The following EPHA6 variants were observed in gnomAD, a reference collection of about 807,000 sequenced individuals.
The protein encoded by EPHA6 is EPH receptor A6, also known as ephrin type-A receptor 6.
Under a neutral mutation model 112.0 loss-of-function variants are expected in EPHA6, and 50 were observed. The ratio of observed to expected loss-of-function variants is 0.45; its 90% CI spans 0.36 to 0.56. The LOEUF (loss-of-function observed/expected upper bound fraction) is 0.56. EPHA6 is among the 20% of genes least tolerant of loss of function. EPHA6 has a pLI of 0.00. For missense variants in EPHA6, 1,280 were observed against 1,417.4 expected (o/e 0.90, Z 1.56); for synonymous variants, 529 against 490.7 (o/e 1.08, Z -1.03).
intron 5 of EPHA6, among the ~76,000 whole-genome samples, chr3:97,393,863 A>G (rs1559953660): frequency 6.6e-6 from 1 of 151,770 alleles, no homozygotes; most frequent in Admixed American, 6.6e-5. Context: ...ATCACTTAAC[A>G]TAATATCTAG....
chr3:97,267,231 T>C (rs1278943202), intron 5 of EPHA6, among the ~76,000 whole-genome samples: 1 of 152,114 alleles, frequency 6.6e-6, no homozygotes, highest in African/African-American at 2.4e-5. Context: ...TCTCTCTTAT[T>C]TCTCTTATTA....
chr3:97,058,371 C>T (rs2045917026), intron 3 of EPHA6, among the ~76,000 whole-genome samples: 1 of 151,974 alleles, frequency 6.6e-6, no homozygotes. Flanking sequence ...GATCTCAGCC[C>T]ACTGCAACCT....
At chr3:97,413,353 G>C (rs1313603884) in intron 6 of EPHA6, among the ~76,000 whole-genome samples, 1 of 151,696 alleles carries the variant, frequency 6.6e-6, no homozygotes, top group Non-Finnish European at 1.5e-5. Flanking sequence ...TTTTTCCAAA[G>C]GGGGTTTTGG....
intron 5 of EPHA6, among the ~76,000 whole-genome samples, chr3:97,264,834 C>G (rs1005377452): frequency 6.6e-6 from 1 of 152,148 alleles, no homozygotes; most frequent in African/African-American, 2.4e-5. Flanking sequence ...CCTGTCCTAG[C>G]AGGGCTAGGA....
chr3:97,578,379 TTCCTCCTTTCAGGGA>T (rs1485019880), intron 11 of EPHA6, among the ~76,000 whole-genome samples: 2 of 152,164 alleles, frequency 1.3e-5, no homozygotes, highest in African/African-American at 4.8e-5. Context: ...ATAGTCCCAT[TTCCTCCTTTCAGGGA>T]TACTTCCTGG....
At chr3:97,747,300 C>A in intron 16 of EPHA6, 123 bp from the exon 17 acceptor site, 1 of 857,468 alleles carries the variant, frequency 1.2e-6, no homozygotes, top group Non-Finnish European at 1.6e-6. Flanking sequence ...CAGAGGCTTT[C>A]AAATGGAGAA....
chr3:97,042,358 T>G (rs754147743), intron 3 of EPHA6, among the ~76,000 whole-genome samples: 1 of 152,096 alleles, frequency 6.6e-6, no homozygotes, highest in Non-Finnish European at 1.5e-5. Context: ...TCCAGAGGCC[T>G]CATCAGAAGC....
chr3:97,631,806 C>G (rs1170459032), intron 13 of EPHA6, among the ~76,000 whole-genome samples: 1 of 151,912 alleles, frequency 6.6e-6, no homozygotes, highest in African/African-American at 2.4e-5. Context: ...CATATTTAAC[C>G]TTTTAAGGAC....
chr3:97,075,695 C>T (rs941775421), intron 3 of EPHA6, among the ~76,000 whole-genome samples: 4 of 144,886 alleles, frequency 2.8e-5, no homozygotes, highest in Non-Finnish European at 5.9e-5. Flanking sequence ...TTGTGCTGCT[C>T]GGATACTGCA....
intron 5 of EPHA6, among the ~76,000 whole-genome samples, chr3:97,312,280 C>CTAT (rs2081597644): frequency 6.6e-6 from 1 of 151,400 alleles, no homozygotes; most frequent in African/African-American, 2.4e-5. Flanking sequence ...TTTTCATGAC[C>CTAT]TATTATACCA....
At chr3:97,013,334 TTTAC>T (rs1420665179) in intron 3 of EPHA6, among the ~76,000 whole-genome samples, 4 of 152,122 alleles carry the variant, frequency 2.6e-5, no homozygotes, top group Non-Finnish European at 4.4e-5. Context: ...TAAATTATAT[TTTAC>T]TTAGAAATGA....
intron 5 of EPHA6, among the ~76,000 whole-genome samples, chr3:97,268,601 A>G (rs2079776275): frequency 6.6e-6 from 1 of 152,186 alleles, no homozygotes; most frequent in Admixed American, 6.5e-5. Context: ...TTTTAAAAGT[A>G]TTATTTGTAT....
intron 7 of EPHA6, among the ~76,000 whole-genome samples, chr3:97,449,473 C>T (rs2090457668): frequency 6.6e-6 from 1 of 151,682 alleles, no homozygotes; most frequent in Non-Finnish European, 1.5e-5. Flanking sequence ...TATAATAATT[C>T]AATAAAAGTA....
chr3:97,456,247 CT>C (rs1204091444), intron 7 of EPHA6, among the ~76,000 whole-genome samples: 2 of 151,942 alleles, frequency 1.3e-5, no homozygotes, highest in Non-Finnish European at 2.9e-5. Flanking sequence ...TCTTTTGTTT[CT>C]TTTTTTAAAA....
At chr3:97,667,315 A>G (rs1242247913) in intron 14 of EPHA6, among the ~76,000 whole-genome samples, 1 of 152,224 alleles carries the variant, frequency 6.6e-6, no homozygotes, top group Non-Finnish European at 1.5e-5. Context: ...TGTAAAAGTG[A>G]CTGAATACCC....
chr3:97,320,047 T>C (rs1038138446), intron 5 of EPHA6, among the ~76,000 whole-genome samples: 5 of 151,998 alleles, frequency 3.3e-5, no homozygotes, highest in Non-Finnish European at 5.9e-5. Context: ...TCACCCTCTT[T>C]CTTTATCTAT....
chr3:96,888,767 C>G (rs2037783530), intron 2 of EPHA6, among the ~76,000 whole-genome samples: 1 of 152,180 alleles, frequency 6.6e-6, no homozygotes, highest in Non-Finnish European at 1.5e-5. Flanking sequence ...GAGACATTTT[C>G]CCTGTTGTCT....
intron 3 of EPHA6, among the ~76,000 whole-genome samples, chr3:97,139,414 T>C (rs939752363): frequency 3.3e-5 from 5 of 152,064 alleles, no homozygotes; most frequent in Non-Finnish European, 7.3e-5. Flanking sequence ...CACAACCCAA[T>C]ATAATTCCTG....
chr3:97,575,115 A>G (rs1230067093), intron 11 of EPHA6, among the ~76,000 whole-genome samples: 3 of 152,190 alleles, frequency 2.0e-5, no homozygotes, highest in Non-Finnish European at 2.9e-5. Context: ...TGTGTTAATA[A>G]GAGCATAGGA....
Sources: allele counts gnomAD v4.1 joint callset (sites outside exome capture counted in the v4.1 genomes callset), GRCh38; gene constraint gnomAD v4.1.1; transcripts MANE v1.5; gene names NCBI Gene and HGNC (gene_info 2026-07-23, HGNC 2026-07-21).